TSPOAP1: variants seen among roughly 807,000 people sequenced by gnomAD.
The protein encoded by TSPOAP1 is peripheral-type benzodiazepine receptor-associated protein 1.
Under a neutral mutation model 197.0 loss-of-function variants are expected in TSPOAP1, and 87 were observed. The observed-to-expected ratio is 0.44, with a 90% CI of 0.37 to 0.53. The LOEUF (loss-of-function observed/expected upper bound fraction) is 0.53. Ranked by LOEUF, TSPOAP1 falls within the 20% of genes least tolerant of loss-of-function variation. The pLI is 0.00. For missense variants in TSPOAP1, 2,174 were observed against 2,411.3 expected, an observed-to-expected ratio of 0.90 and a Z score of 2.06; for synonymous variants, 913 against 998.9, an observed-to-expected ratio of 0.91 and a Z score of 1.62.
intron 25 of TSPOAP1, 163 bp from the exon 26 acceptor site, chr17:58,306,576 A>G: frequency 1.1e-6 from 1 of 926,096 alleles, no homozygotes. Flanking sequence ...CCAGGACCCA[A>G]AATTCCTGGC....
At chr17:58,305,898 C>T (rs372277686) in intron 26 of TSPOAP1, 33 bp from the exon 27 acceptor site, 1 of 1,605,644 alleles carries the variant, frequency 6.2e-7, no homozygotes, top group African/African-American at 1.3e-5. Context: ...AGCCCCCTCC[C>T]ACCCTGCCCA....
At position 58,324,401 on chromosome 17, in the gene TSPOAP1, G is replaced by GGGCCAGGCCTGGCC. The variant is rs1322549804; in HGVS notation, c.942+396_942+409dup. On this transcript the variant is annotated intron_variant, in intron 5 of 31. Transcript: ENST00000343736. The surrounding 1 kb of genome is among the most constrained non-coding windows in gnomAD (Gnocchi z 5.8). ...ACGCACCGCCGCCCCCGGGTAGCTG[G>GGGCCAGGCCTGGCC]GGCCAGGCCTGGCCAGCCAGGCGGG... 6.6e-6 allele frequency among the ~76,000 whole-genome samples: 1 copy of GGGCCAGGCCTGGCC among 152,046 alleles called. No homozygotes were observed. The highest frequency in any genetic ancestry group is 1.5e-5 in the Non-Finnish European group (1 of 67,968).
At position 58,302,182 on chromosome 17, in the gene TSPOAP1, G is replaced by T; in HGVS notation, c.*298C>A. 8.4e-7 allele frequency: 1 copy of T among 1,186,686 alleles called. No individual in the cohort carries two copies. The highest frequency in any genetic ancestry group is 1.1e-6 in the Non-Finnish European group (1 of 920,024). The allele number at this position is 1,186,686 out of a possible 1,614,324, so 73.5% of individuals were successfully genotyped here. A position where few individuals can be genotyped will look rare whatever the true frequency, so the allele number is the denominator to read the frequency against. ...TAACGCAGAAGAACGGGGGCTCTGG[G>T]CCCAGTCTGAGCCTTCCCTGCTCAG... On this transcript the variant is annotated 3_prime_UTR_variant, in exon 32 of 32. Coordinates refer to ENST00000343736, the MANE Select transcript of TSPOAP1 (RefSeq NM_004758.4).
rs764496705 is a variant in TSPOAP1 at position 58,326,298 on chromosome 17, T to C, written c.565A>G (p.Arg189Gly). The change falls in exon 3 of 32, where the codon AGG becomes GGG. Residue 189 changes from arginine to glycine, a missense_variant. Physicochemically the swap from Arg to Gly is moderately radical, Grantham distance 125. This residue lies in a region of TSPOAP1 where 1,933 missense variants were observed against 2,139.0 expected (regional missense o/e 0.90). Transcript: ENST00000343736. The surrounding 1 kb of genome is among the most constrained non-coding windows in gnomAD (Gnocchi z 4.7). ...CAGCAGCCTCCTTTCCTCACCACCC[T>C]CAGGTTCGTTTCCTGCAGCTTTCGG... ...RARKLQETNL[R>G]VVSAPLPRPG... 1 of 1,613,802 alleles carries C rather than the reference T, an allele frequency of 6.2e-7. No homozygotes were observed. Among genetic ancestry groups the C allele is most frequent in the Non-Finnish European group, 8.5e-7 (1 of 1,179,940 alleles).
chr17:58,318,496 G>A (rs1203958935), intron 13 of TSPOAP1, 44 bp from the exon 14 acceptor site: 2 of 1,564,890 alleles, frequency 1.3e-6, no homozygotes, highest in Middle Eastern at 2.2e-4. Flanking sequence ...GTGGCCTGAG[G>A]AGGGACCAGG....
At position 58,323,552 on chromosome 17, in the gene TSPOAP1, A is replaced by G; in HGVS notation, c.943-7T>C. 1 of 1,613,416 alleles carries G rather than the reference A, an allele frequency of 6.2e-7. No homozygotes were observed. Among genetic ancestry groups the G allele is most frequent in the African/African-American group, 1.3e-5 (1 of 75,060 alleles). Reference sequence around the variant, plus strand: ...CATCCTCCTGGGGCGTGGCCTGGAAATGCCCAGGGGCAAGGGGCTGGCACC... The same window carrying G: ...CATCCTCCTGGGGCGTGGCCTGGAAGTGCCCAGGGGCAAGGGGCTGGCACC... On this transcript the variant is annotated splice_region_variant and splice_polypyrimidine_tract_variant and intron_variant, in intron 5 of 31. Transcript: ENST00000343736.
Position 58,324,478 on chromosome 17 carries a change from G to T in TSPOAP1, c.942+333C>A, listed in dbSNP as rs1971506908. ...GGCGGCGGCGGGAGGAGGCGGCGCG[G>T]GCTGGGCCCCGGGCGGCTGCCAGGA... On this transcript the variant is annotated intron_variant, in intron 5 of 31. Coordinates refer to ENST00000343736, the MANE Select transcript of TSPOAP1 (RefSeq NM_004758.4). This position sits in a 1 kb window ranked among gnomAD's most constrained non-coding sequence, Gnocchi z 5.8. 6.6e-6 allele frequency among the ~76,000 whole-genome samples: 1 copy of T among 151,864 alleles called. No homozygotes were observed. The highest frequency in any genetic ancestry group is 1.5e-5 in the Non-Finnish European group (1 of 67,914).
rs1028454701 is a variant in TSPOAP1, at chr17:58,324,844, T to C, written c.909A>G (p.Arg303=). 4 of 1,514,500 alleles carry C rather than the reference T, an allele frequency of 2.6e-6. No homozygotes were observed. Among genetic ancestry groups the C allele is most frequent in the Non-Finnish European group, 3.5e-6 (4 of 1,134,444 alleles). 93.8% of individuals were successfully genotyped at this position (1,514,500 alleles called of 1,614,324 possible). ...SWPPGPALQA[R]AGAPAPGAPG... is the part of the protein sequence containing the mutation. ...GGGCCCCGGGAGCAGGCGCCCCTGC[T>C]CTGGCCTGGAGAGCAGGGCCCGGGG... The change falls in exon 5 of 32, where the codon AGA becomes AGG. Residue 303 remains arginine, a synonymous_variant. Coordinates refer to ENST00000343736, the MANE Select transcript of TSPOAP1 (RefSeq NM_004758.4). The surrounding 1 kb of genome is among the most constrained non-coding windows in gnomAD (Gnocchi z 5.8).
Position 58,304,302 on chromosome 17 carries a change from G to T in TSPOAP1, c.*32+36C>A. On this transcript the variant is annotated intron_variant, in intron 31 of 31. Transcript: ENST00000343736. This position sits in a 1 kb window ranked among gnomAD's most constrained non-coding sequence, Gnocchi z 4.2. ...ACTGTCTGATTATGGTCAAGTGGGG[G>T]TGGACGGTCACACAGGGGGGCAGTC... 1.3e-6 allele frequency: 2 copies of T among 1,571,084 alleles called. No individual in the cohort carries two copies. The highest frequency in any genetic ancestry group is 1.1e-5 in the South Asian group (1 of 89,964).
chr17:58,318,504 A>G (rs1474525942), intron 13 of TSPOAP1, 52 bp from the exon 14 acceptor site: 1 of 1,552,768 alleles, frequency 6.4e-7, no homozygotes, highest in East Asian at 2.3e-5. Flanking sequence ...AGGAGGGACC[A>G]GGAGATAGGG....
At chr17:58,323,605 C>T (rs1971467036) in intron 5 of TSPOAP1, 60 bp from the exon 6 acceptor site, 12 of 1,557,100 alleles carry the variant, frequency 7.7e-6, no homozygotes, top group Admixed American at 1.8e-5. Context: ...GGCAGCCTGC[C>T]CCAGCCCAGC....
At position 58,308,967 on chromosome 17, in the gene TSPOAP1, A is replaced by G. The variant is rs1446190578; in HGVS notation, c.4305T>C (p.Asn1435=). Residue 1435 remains asparagine (N), a synonymous_variant, in exon 22 of 32, where the codon AAT becomes AAC. Transcript: ENST00000343736. ...REHCSRLLSN[N]GPQASGRLGP... Reference sequence around the variant, plus strand: ...CCAGTCGTCCAGAGGCCTGGGGCCCATTGTTGCTGAGAAGTCGGCTGCAGT... The same window carrying G: ...CCAGTCGTCCAGAGGCCTGGGGCCCGTTGTTGCTGAGAAGTCGGCTGCAGT... 4.3e-6 allele frequency: 7 copies of G among 1,609,234 alleles called. No individual in the cohort carries two copies. The African/African-American group carries it at 5.4e-5, about 12-fold the overall frequency.
chr17:58,327,843 G>T lies in TSPOAP1; in HGVS notation c.78C>A (p.Ser26Arg), dbSNP rs1971699622. ...MEPWALPTWH[S>R]WTPGRGGEPS... ...GTTCACCCCCTCGACCTGGAGTCCA[G>T]CTATGCCAGGTGGGCAGTGCCCATG... Residue 26 changes from serine to arginine, a missense_variant, in exon 1 of 32, where the codon AGC becomes AGA. This residue lies in a region of TSPOAP1 where 1,933 missense variants were observed against 2,139.0 expected (regional missense o/e 0.90). Transcript: ENST00000343736. The T allele has an allele frequency of 1.2e-6, 2 of 1,613,818 alleles. No individual in the cohort carries two copies. Among genetic ancestry groups the T allele is most frequent in the East Asian group, 4.5e-5 (2 of 44,892 alleles).
chr17:58,317,471 TGTC>T (rs1971275519), intron 14 of TSPOAP1, among the ~76,000 whole-genome samples: 1 of 152,204 alleles, frequency 6.6e-6, no homozygotes, highest in South Asian at 2.1e-4. Flanking sequence ...GGGAACAGGC[TGTC>T]TTCTCTTCTC....
rs368760256 is a variant in TSPOAP1 at position 58,323,329 on chromosome 17, G to A, written c.1073C>T (p.Ala358Val). Residue 358 changes from alanine (A) to valine (V), a missense_variant, in exon 7 of 32, where the codon GCC becomes GTC. Ala to Val is a moderately conservative substitution (Grantham distance 64). Around this residue, in one of 5 missense-constraint regions of TSPOAP1, gnomAD observed 1,933 missense variants for 2,139.0 expected, o/e 0.90. Transcript: ENST00000343736. ...RKKCESLEQEARKKQRRCEEL... is the reference protein window; with the variant it reads ...RKKCESLEQEVRKKQRRCEEL... ...CTCACATCGCCTCTGCTTTTTCCGG[G>A]CTTCCTGCTCCAGGCTCTCGCATTT... The A allele has an allele frequency of 4.8e-5, 78 of 1,613,988 alleles. No individual in the cohort carries two copies. Among genetic ancestry groups the A allele is most frequent in the Admixed American group, 6.7e-5 (4 of 60,000 alleles).
rs376791852 is a variant in TSPOAP1 at position 58,309,059 on chromosome 17, G to C, written c.4213C>G (p.Arg1405Gly). The C allele has an allele frequency of 6.2e-7, 1 of 1,612,176 alleles. No homozygotes were observed. The highest frequency in any genetic ancestry group is 2.2e-5 in the East Asian group (1 of 44,882). The change falls in exon 22 of 32, where the codon CGG becomes GGG. Residue 1405 changes from arginine (R) to glycine (G), a missense_variant. Physicochemically the swap from Arg to Gly is moderately radical, Grantham distance 125 (BLOSUM62 -2). Around this residue, in one of 5 missense-constraint regions of TSPOAP1, gnomAD observed 1,933 missense variants for 2,139.0 expected, o/e 0.90. Transcript: ENST00000343736. This position sits in a 1 kb window ranked among gnomAD's most constrained non-coding sequence, Gnocchi z 5.0. ...DMPGLVGGSS[R>G]RRGGGSPEKP... is the part of the protein sequence containing the mutation. Reference sequence around the variant, plus strand: ...TCAGGGGAGCCCCCTCCTCTCCTCCGGCTGCTTCCACCAACTAATCCAGGC... The same window carrying C: ...TCAGGGGAGCCCCCTCCTCTCCTCCCGCTGCTTCCACCAACTAATCCAGGC...
chr17:58,308,470 T>C (rs563029456), intron 22 of TSPOAP1, 71 bp downstream of exon 22: 1 of 1,485,732 alleles, frequency 6.7e-7, no homozygotes, highest in South Asian at 1.4e-5. Context: ...TGGGAGCTGC[T>C]GGTGGGCAGC....
chr17:58,311,879 C>A lies in TSPOAP1; in HGVS notation c.2929+13G>T, dbSNP rs757050786. On this transcript the variant is annotated intron_variant, in intron 17 of 31. Coordinates refer to ENST00000343736, the MANE Select transcript of TSPOAP1 (RefSeq NM_004758.4). ...CCTGGGTGTTCTGGACAACAGGGCCCAAGCCCACATACCTGCTGGGAGTGT... is the reference window on the plus strand; with the variant it reads ...CCTGGGTGTTCTGGACAACAGGGCCAAAGCCCACATACCTGCTGGGAGTGT... The A allele has an allele frequency of 5.2e-6, 8 of 1,525,538 alleles. No homozygotes were observed. Among genetic ancestry groups the A allele is most frequent in the Non-Finnish European group, 7.0e-6 (8 of 1,137,154 alleles). The allele number at this position is 1,525,538 out of a possible 1,614,324, so 94.5% of individuals were successfully genotyped here.
At position 58,312,472 on chromosome 17, in the gene TSPOAP1, C is replaced by G. The variant is rs141439013; in HGVS notation, c.2349G>C (p.Glu783Asp). The G allele has an allele frequency of 2.5e-6, 4 of 1,610,234 alleles. No individual in the cohort carries two copies. The highest frequency in any genetic ancestry group is 3.4e-6 in the Non-Finnish European group (4 of 1,178,422). The change falls in exon 17 of 32, where the codon GAG (glutamate) becomes GAC (aspartate). Residue 783 changes from glutamate (E) to aspartate (D), a missense_variant. Physicochemically the swap from Glu to Asp is conservative, Grantham distance 45 (BLOSUM62 2). This residue lies in a region of TSPOAP1 where 1,933 missense variants were observed against 2,139.0 expected (regional missense o/e 0.90). Transcript: ENST00000343736. ...GDELSLSPSP[E>D]GLGEPPAVPY... ...GCACGGCAGGAGGCTCGCCCAGGCCCTCCGGTGATGGGCTCAGACTGAGCT... is the reference window on the plus strand; with the variant it reads ...GCACGGCAGGAGGCTCGCCCAGGCCGTCCGGTGATGGGCTCAGACTGAGCT...
Sources: gnomAD v4.1 joint callset for allele counts (sites outside exome capture counted in the v4.1 genomes callset) on GRCh38, gnomAD v4.1.1 for gene constraint, gnomAD v4.1.1 regional missense constraint, Gnocchi (gnomAD v3.1) non-coding constraint, MANE v1.5 for transcripts, NCBI Gene and HGNC (gene_info 2026-07-23, HGNC 2026-07-21) for gene names.